ROBO1: variants seen among roughly 807,000 people sequenced by gnomAD.
ROBO1 encodes the protein roundabout guidance receptor 1, also known as roundabout homolog 1.
In ROBO1, 149 loss-of-function variants were observed where a neutral mutation model predicts 195.9. The ratio of observed to expected loss-of-function variants is 0.76; its 90% CI spans 0.67 to 0.87. The LOEUF (loss-of-function observed/expected upper bound fraction) is 0.87. Among genes scored for constraint, ROBO1 ranks in the 40% least tolerant of loss-of-function variants. The pLI is 0.00. For missense variants in ROBO1, 1,933 were observed against 2,068.3 expected (o/e 0.93, Z 1.27); for synonymous variants, 816 against 733.2 (o/e 1.11, Z -1.82).
intron 1 of ROBO1, among the ~76,000 whole-genome samples, chr3:79,675,234 GTT>G (rs11310832): frequency 6.6e-6 from 1 of 151,478 alleles, no homozygotes; most frequent in South Asian, 2.1e-4. Flanking sequence ...AATTGATTGT[GTT>G]TTTTTTATTT....
chr3:79,192,728 G>A (rs2081562577), intron 2 of ROBO1, among the ~76,000 whole-genome samples: 1 of 151,554 alleles, frequency 6.6e-6, no homozygotes, highest in African/African-American at 2.4e-5. Context: ...GGAATCTGCT[G>A]AAACACCCAA....
chr3:78,617,538 T>C (rs1704183465), intron 27 of ROBO1, 97 bp downstream of exon 27: 1 of 1,295,930 alleles, frequency 7.7e-7, no homozygotes, highest in East Asian at 2.5e-5. Flanking sequence ...GAATAGATGC[T>C]TTTCAAATAG....
At chr3:79,691,709 T>C (rs1447056369) in intron 1 of ROBO1, among the ~76,000 whole-genome samples, 1 of 151,944 alleles carries the variant, frequency 6.6e-6, no homozygotes, top group East Asian at 1.9e-4. Flanking sequence ...CAGCATAAGC[T>C]TGTTAGCAAG....
chr3:79,236,565 G>A (rs1334811319), intron 2 of ROBO1, among the ~76,000 whole-genome samples: 1 of 152,040 alleles, frequency 6.6e-6, no homozygotes, highest in African/African-American at 2.4e-5. Flanking sequence ...AAATGAGTAT[G>A]TCATTTCAAT....
chr3:79,260,951 T>C (rs542562586), intron 2 of ROBO1, among the ~76,000 whole-genome samples: 1 of 152,228 alleles, frequency 6.6e-6, no homozygotes, highest in Admixed American at 6.5e-5. Context: ...GGATTTTCTC[T>C]TACAGAAAAC....
chr3:79,466,368 C>T (rs1449733757), intron 2 of ROBO1, among the ~76,000 whole-genome samples: 1 of 152,032 alleles, frequency 6.6e-6, no homozygotes, highest in Admixed American at 6.6e-5. Context: ...AGTTATAATT[C>T]TTTTTAAATT....
chr3:78,816,495 T>G (rs2029921131), intron 4 of ROBO1, among the ~76,000 whole-genome samples: 1 of 152,128 alleles, frequency 6.6e-6, no homozygotes, highest in Non-Finnish European at 1.5e-5. Flanking sequence ...AGAAATACAT[T>G]AATATTTTGT....
chr3:79,012,315 C>T (rs2077801163), intron 3 of ROBO1, among the ~76,000 whole-genome samples: 2 of 152,192 alleles, frequency 1.3e-5, no homozygotes, highest in Non-Finnish European at 2.9e-5. Flanking sequence ...AACCACACTG[C>T]TCTGTTGACA....
At chr3:79,069,140 C>A (rs946174702) in intron 3 of ROBO1, among the ~76,000 whole-genome samples, 1 of 151,790 alleles carries the variant, frequency 6.6e-6, no homozygotes, top group South Asian at 2.1e-4. Flanking sequence ...CCAAATTCAA[C>A]ATAAATTTTA....
intron 3 of ROBO1, among the ~76,000 whole-genome samples, chr3:79,119,239 C>T (rs192582166): frequency 7.2e-5 from 11 of 152,248 alleles, no homozygotes; most frequent in Admixed American, 7.2e-4. Context: ...TTCACAGACT[C>T]CAATTATTGT....
chr3:79,765,480 G>A (rs1187815979), intron 1 of ROBO1, among the ~76,000 whole-genome samples: 1 of 152,102 alleles, frequency 6.6e-6, no homozygotes, highest in Non-Finnish European at 1.5e-5. Context: ...CATGATGCAT[G>A]CTTACAGATT....
intron 3 of ROBO1, among the ~76,000 whole-genome samples, chr3:79,056,552 G>A (rs2078812903): frequency 6.6e-6 from 1 of 152,002 alleles, no homozygotes; most frequent in African/African-American, 2.4e-5. Context: ...AAACTTTAAA[G>A]GACTTCCAAA....
At chr3:79,760,391 C>A in intron 1 of ROBO1, among the ~76,000 whole-genome samples, 1 of 136,454 alleles carries the variant, frequency 7.3e-6, no homozygotes, top group Non-Finnish European at 1.5e-5. Flanking sequence ...TCAATTTTAA[C>A]AAAGCACAGT....
intron 25 of ROBO1, 99 bp downstream of exon 25, chr3:78,631,062 G>C: frequency 8.0e-7 from 1 of 1,257,276 alleles, no homozygotes; most frequent in Non-Finnish European, 1.1e-6. Flanking sequence ...GTGGACCTTA[G>C]GAATCAGTCT....
chr3:78,742,737 G>A (rs2082562586), intron 5 of ROBO1, among the ~76,000 whole-genome samples: 1 of 152,104 alleles, frequency 6.6e-6, no homozygotes, highest in Non-Finnish European at 1.5e-5. Flanking sequence ...TGATTTAAAA[G>A]TTATTTATAT....
intron 4 of ROBO1, among the ~76,000 whole-genome samples, chr3:78,748,347 A>T (rs1386927658): frequency 6.6e-6 from 1 of 152,130 alleles, no homozygotes. Flanking sequence ...CCGGAGGCTG[A>T]GGCAGGAGAA....
chr3:79,747,983 T>C (rs1326713029), intron 1 of ROBO1, among the ~76,000 whole-genome samples: 2 of 152,154 alleles, frequency 1.3e-5, no homozygotes, highest in African/African-American at 2.4e-5. Context: ...ACTATCCTAA[T>C]ATTTTCTTTT....
chr3:79,198,554 G>GT (rs1385845422), intron 2 of ROBO1, among the ~76,000 whole-genome samples: 5 of 151,996 alleles, frequency 3.3e-5, no homozygotes, highest in South Asian at 2.1e-4. Context: ...CTTTAAAGTA[G>GT]TTTTTTCCAA....
At chr3:79,549,209 AT>A (rs1432809412) in intron 2 of ROBO1, among the ~76,000 whole-genome samples, 1 of 152,238 alleles carries the variant, frequency 6.6e-6, no homozygotes, top group Admixed American at 6.5e-5. Flanking sequence ...ACTGAGTACC[AT>A]TTATGTTTCA....
Sources: gnomAD v4.1 joint callset for allele counts (sites outside exome capture counted in the v4.1 genomes callset) on GRCh38, gnomAD v4.1.1 for gene constraint, MANE v1.5 for transcripts, NCBI Gene and HGNC (gene_info 2026-07-23, HGNC 2026-07-21) for gene names.